DMD: variants seen among roughly 807,000 people sequenced by gnomAD.
DMD encodes dystrophin, also known as mutant dystrophin.
A neutral mutation model predicts 330.1 loss-of-function variants in DMD; 63 were observed. That is an observed-to-expected ratio of 0.19 (90% CI 0.16 to 0.24). The LOEUF (loss-of-function observed/expected upper bound fraction) is 0.24, where lower values mean the gene tolerates loss of function less well. Among genes scored for constraint, DMD ranks in the 10% least tolerant of loss-of-function variants. The pLI is 1.00. For missense variants in DMD, 3,344 were observed against 2,684.1 expected, an observed-to-expected ratio of 1.25 and a Z score of -5.43; for synonymous variants, 1,223 against 959.8, an observed-to-expected ratio of 1.27 and a Z score of -5.07.
intron 41 of DMD, among the ~76,000 whole-genome samples, chrX:32,332,542 G>C (rs139981061): frequency 2.9e-3 from 316 of 109,400 alleles, no homozygotes; most frequent in African/African-American, 9.7e-3. Flanking sequence ...AAACGGGGGA[G>C]GATTATTTTA....
intron 44 of DMD, among the ~76,000 whole-genome samples, chrX:31,996,581 T>G (rs2095588151): frequency 1.8e-5 from 2 of 111,196 alleles, no homozygotes; most frequent in South Asian, 7.4e-4. Context: ...AAAATCCACA[T>G]TTTTTTAGCA....
In DMD at chrX:32,196,986, C is replaced by CA. The variant is rs71872245; in HGVS notation, c.6438+19929dup. Among the ~76,000 whole-genome samples the CA allele has an allele frequency of 8.9e-4, 44 of 49,612 alleles. No individual in the cohort carries two copies. The South Asian group carries it at 9.8e-3, about 11-fold the overall frequency. The allele number at this position is 49,612 out of a possible 115,157, so 43.1% of individuals were successfully genotyped here. A position where few individuals can be genotyped will look rare whatever the true frequency, so the allele number is the denominator to read the frequency against. On this transcript the variant is annotated intron_variant, in intron 44 of 78. Coordinates refer to ENST00000357033, the MANE Select transcript of DMD (RefSeq NM_004006.3). ...GGGGTGACAGAGCGAGACTCCATCTCAAAAAAAAAAAAAAAAAAACAAAAA... is the reference window on the plus strand; with the variant it reads ...GGGGTGACAGAGCGAGACTCCATCTCAAAAAAAAAAAAAAAAAAAACAAAAA...
chrX:31,918,199 G>T (rs891601384), intron 47 of DMD, among the ~76,000 whole-genome samples: 1 of 112,405 alleles, frequency 8.9e-6, no homozygotes, highest in Admixed American at 9.4e-5. Context: ...TCGTAATAAA[G>T]TATGATAGTA....
chrX:31,232,088 A>AC (rs1213619787), intron 63 of DMD, among the ~76,000 whole-genome samples: 5 of 95,054 alleles, frequency 5.3e-5, no homozygotes, highest in African/African-American at 1.8e-4. Context: ...TGTTAAAAAA[A>AC]AAAAAAAAAA....
intron 43 of DMD, among the ~76,000 whole-genome samples, chrX:32,240,545 A>T (rs1472421525): frequency 2.7e-5 from 3 of 111,658 alleles, no homozygotes; most frequent in African/African-American, 9.8e-5. Flanking sequence ...AGTCTATGGT[A>T]TTTTGTTATA....
intron 1 of DMD, among the ~76,000 whole-genome samples, chrX:33,034,151 C>G (rs1003589901): frequency 9.0e-6 from 1 of 110,514 alleles, no homozygotes; most frequent in African/African-American, 3.3e-5. Flanking sequence ...ATTTTATATT[C>G]TGATATGAAT....
At chrX:33,249,448 G>T (rs1017547665) in intron 1 of DMD, among the ~76,000 whole-genome samples, 1 of 112,163 alleles carries the variant, frequency 8.9e-6, no homozygotes, top group Non-Finnish European at 1.9e-5. Flanking sequence ...ACCATGCCTG[G>T]CCAATTGCTC....
intron 43 of DMD, among the ~76,000 whole-genome samples, chrX:32,241,188 C>T (rs545552752): frequency 1.8e-5 from 2 of 112,242 alleles, no homozygotes; most frequent in African/African-American, 6.5e-5. Flanking sequence ...TCCATGTTCA[C>T]GTTTGTGTCT....
chrX:32,459,429 G>T (rs2098375040), intron 25 of DMD, among the ~76,000 whole-genome samples: 1 of 110,873 alleles, frequency 9.0e-6, no homozygotes, highest in Non-Finnish European at 1.9e-5. Context: ...GGGAGCATGG[G>T]GAAATCTTCT....
chrX:32,916,793 G>A (rs2087851840), intron 2 of DMD, among the ~76,000 whole-genome samples: 3 of 111,269 alleles, frequency 2.7e-5, no homozygotes, highest in African/African-American at 9.8e-5. Flanking sequence ...GTGTTCTGAT[G>A]AGGTTTAAAG....
At chrX:33,171,150 C>T (rs999962410) in intron 1 of DMD, among the ~76,000 whole-genome samples, 11 of 95,245 alleles carry the variant, frequency 1.2e-4, no homozygotes, top group African/African-American at 3.8e-4. Context: ...TGATAACTTC[C>T]GCAATTTGGG....
intron 78 of DMD, among the ~76,000 whole-genome samples, chrX:31,123,075 A>AAGAT (rs1290782062): frequency 8.9e-6 from 1 of 111,891 alleles, no homozygotes; most frequent in Non-Finnish European, 1.9e-5. Flanking sequence ...ATAAAAATTA[A>AAGAT]AGATATCCCA....
chrX:33,104,545 C>T (rs951060827), intron 1 of DMD, among the ~76,000 whole-genome samples: 3 of 108,486 alleles, frequency 2.8e-5, no homozygotes, highest in Non-Finnish European at 5.7e-5. Context: ...GAGAACAACC[C>T]CCCTTTTTCC....
chrX:32,228,404 G>A (rs2097155972), intron 43 of DMD, among the ~76,000 whole-genome samples: 1 of 111,003 alleles, frequency 9.0e-6, no homozygotes, highest in Non-Finnish European at 1.9e-5. Flanking sequence ...AAAATATGTA[G>A]GATTATGCTA....
chrX:33,135,029 T>C (rs1402953582), intron 1 of DMD, among the ~76,000 whole-genome samples: 1 of 112,093 alleles, frequency 8.9e-6, no homozygotes, highest in Non-Finnish European at 1.9e-5. Flanking sequence ...ATATATCTTC[T>C]TAAAACACTA....
chrX:33,152,209 G>A (rs1039720888), intron 1 of DMD, among the ~76,000 whole-genome samples: 11 of 108,467 alleles, frequency 1.0e-4, no homozygotes, highest in Non-Finnish European at 2.1e-4. Flanking sequence ...TCCCTCTGTC[G>A]CCCAGGATGG....
At chrX:32,865,172 A>T (rs1455282304) in intron 2 of DMD, among the ~76,000 whole-genome samples, 1 of 111,789 alleles carries the variant, frequency 8.9e-6, no homozygotes, top group Non-Finnish European at 1.9e-5. Context: ...TGTAACCAGT[A>T]TTATGCATCA....
intron 2 of DMD, among the ~76,000 whole-genome samples, chrX:32,890,363 C>G (rs917452530): frequency 3.9e-5 from 4 of 103,427 alleles, no homozygotes; most frequent in Admixed American, 1.1e-4. Flanking sequence ...GACCTAGATT[C>G]TTAAAGGACT....
rs1406998 is a variant in DMD, at chrX:32,810,006, C to T, written c.531-395G>A. 9.2e-3 allele frequency among the ~76,000 whole-genome samples: 961 copies of T among 104,116 alleles called. 14 individuals carry two copies. Among genetic ancestry groups the T allele is most frequent in the African/African-American group, 0.031 (896 of 28,754 alleles). 90.4% of individuals were successfully genotyped at this position (104,116 alleles called of 115,157 possible). ...GTGTGGTGTCACATGCCTACAGTTC[C>T]AACTACTCAGAAGGCTGAGGTGGGA... On this transcript the variant is annotated intron_variant, in intron 6 of 78. Coordinates refer to ENST00000357033, the MANE Select transcript of DMD (RefSeq NM_004006.3).
Sources: gnomAD v4.1 joint callset for allele counts (sites outside exome capture counted in the v4.1 genomes callset) on GRCh38, gnomAD v4.1.1 for gene constraint, MANE v1.5 for transcripts, NCBI Gene and HGNC (gene_info 2026-07-23, HGNC 2026-07-21) for gene names.